DNAAF4: variants seen among roughly 807,000 people sequenced by gnomAD.
DNAAF4 encodes dynein assembly factor 4, axonemal.
In DNAAF4, 43 loss-of-function variants were observed where a neutral mutation model predicts 51.8. That is an observed-to-expected ratio of 0.83 (90% CI 0.65 to 1.07). The LOEUF is 1.07. Among genes scored for constraint, DNAAF4 ranks in the 50% least tolerant of loss-of-function variants. The probability of loss-of-function intolerance (pLI) is 0.00; values close to 1 mark genes in which losing one functional copy is unlikely to be tolerated. For synonymous variants in DNAAF4, 194 were observed against 165.6 expected (o/e 1.17, Z -1.32); for missense variants, 581 against 493.0 (o/e 1.18, Z -1.69).
intron 6 of DNAAF4, among the ~76,000 whole-genome samples, chr15:55,447,983 T>C (rs2057865560): frequency 6.6e-6 from 1 of 152,112 alleles, no homozygotes; most frequent in Non-Finnish European, 1.5e-5. Context: ...ATCCCTGTCT[T>C]GTGCCAGTTT....
chr15:55,427,484 C>A (rs868464380), downstream of DNAAF4, among the ~76,000 whole-genome samples: 19 of 151,920 alleles, frequency 1.3e-4, no homozygotes, highest in African/African-American at 4.4e-4. Context: ...TAAGTTAGTT[C>A]CTGGTTGGGG....
At chr15:55,474,766 G>A (rs1414870119) in intron 4 of DNAAF4, among the ~76,000 whole-genome samples, 2 of 152,086 alleles carry the variant, frequency 1.3e-5, no homozygotes, top group Non-Finnish European at 2.9e-5. Flanking sequence ...ATTACCTGAG[G>A]TTGGGAGTTC....
chr15:55,433,919 T>TATAATATATTATA (rs1555413834), intron 8 of DNAAF4, among the ~76,000 whole-genome samples: 1 of 6,586 alleles, frequency 1.5e-4, no homozygotes, highest in Non-Finnish European at 2.8e-4. Flanking sequence ...TATAATTATA[T>TATAATATATTATA]ATATTATATT....
At chr15:55,491,705 T>C (rs1014474651) in intron 3 of DNAAF4, among the ~76,000 whole-genome samples, 9 of 140,932 alleles carry the variant, frequency 6.4e-5, no homozygotes, top group African/African-American at 2.4e-4. Flanking sequence ...TAATATTATA[T>C]ACTATTATTA....
chr15:55,448,624 C>T lies in DNAAF4; in HGVS notation c.783+1598G>A, dbSNP rs534801509. Among the ~76,000 whole-genome samples the T allele has an allele frequency of 2.7e-5, 4 of 150,674 alleles. 1 individual carries two copies. The East Asian group carries it at 6.0e-4, about 22-fold the overall frequency. ...GTGGCTCACACCTGTAATCCCAGCA[C>T]TTTGGGAGGCCGAGGTGGGTGGATC... On this transcript the variant is annotated intron_variant, in intron 6 of 9. Transcript: ENST00000321149.
intron 5 of DNAAF4, among the ~76,000 whole-genome samples, chr15:55,454,442 A>G (rs1032776531): frequency 2.0e-5 from 3 of 152,000 alleles, no homozygotes; most frequent in African/African-American, 4.8e-5. Flanking sequence ...CAGTGGCACG[A>G]TCTTGGCTCA....
At chr15:55,442,879 A>T in intron 6 of DNAAF4, 1 of 1,612,382 alleles carries the variant, frequency 6.2e-7, no homozygotes, top group South Asian at 1.1e-5. Context: ...AGCATCAATC[A>T]TGGTTGCAAT....
intron 5 of DNAAF4, among the ~76,000 whole-genome samples, chr15:55,461,446 C>G (rs2058093804): frequency 6.6e-6 from 1 of 152,088 alleles, no homozygotes; most frequent in African/African-American, 2.4e-5. Context: ...CTCTCTAAGA[C>G]CACAGTGGAA....
At chr15:55,439,355 C>T in intron 7 of DNAAF4, 117 bp downstream of exon 7, 1 of 788,130 alleles carries the variant, frequency 1.3e-6, no homozygotes, top group Non-Finnish European at 2.0e-6. Flanking sequence ...AGTTATCATC[C>T]CACCTCGGCC....
chr15:55,491,016 A>C, intron 4 of DNAAF4, 107 bp downstream of exon 4: 7 of 1,375,726 alleles, frequency 5.1e-6, no homozygotes, highest in Non-Finnish European at 7.0e-6. Flanking sequence ...AGTCCTCTAA[A>C]CAAAGTATGA....
At chr15:55,482,333 C>G (rs1271784266) in intron 4 of DNAAF4, among the ~76,000 whole-genome samples, 1 of 152,130 alleles carries the variant, frequency 6.6e-6, no homozygotes, top group East Asian at 1.9e-4. Flanking sequence ...AACAGAATTA[C>G]AAATGACCCA....
chr15:55,443,317 GC>G, intron 6 of DNAAF4: 4 of 1,201,472 alleles, frequency 3.3e-6, no homozygotes, highest in Non-Finnish European at 4.8e-6. Flanking sequence ...CTGGCAAAGG[GC>G]CCCCAGCGTG....
chr15:55,427,696 C>T (rs1398764949), downstream of DNAAF4, among the ~76,000 whole-genome samples: 8 of 150,474 alleles, frequency 5.3e-5, no homozygotes, highest in African/African-American at 1.5e-4. Flanking sequence ...AGTGCAATGG[C>T]GCCACCTCAG....
chr15:55,442,775 C>A, intron 6 of DNAAF4: 1 of 1,604,814 alleles, frequency 6.2e-7, no homozygotes. Flanking sequence ...TTTATCCTAA[C>A]AACAGAACAA....
At chr15:55,505,618 G>A (rs957087640) in intron 1 of DNAAF4, among the ~76,000 whole-genome samples, 3 of 152,168 alleles carry the variant, frequency 2.0e-5, no homozygotes, top group African/African-American at 7.2e-5. Flanking sequence ...CCTTTGCAGG[G>A]ACATGGATGA....
intron 4 of DNAAF4, among the ~76,000 whole-genome samples, chr15:55,471,228 C>T (rs1169046758): frequency 6.6e-6 from 1 of 152,144 alleles, no homozygotes; most frequent in East Asian, 1.9e-4. Flanking sequence ...AAGTTCCAGA[C>T]AACTAGTCAT....
chr15:55,498,462 C>G lies in DNAAF4; in HGVS notation c.-133G>C. On this transcript the variant is annotated 5_prime_UTR_variant, in exon 2 of 10. Transcript: ENST00000321149. The stretch of plus-strand genomic sequence containing the variant: ...GGGAGCCCGGCGTTCCCAGCGTGCT[C>G]CGGCGCCAGCACCTCGCGGACTCCA... 6 of 1,381,308 alleles carry G rather than the reference C, an allele frequency of 4.3e-6. No individual in the cohort carries two copies. The highest frequency in any genetic ancestry group is 5.0e-5 in the East Asian group (2 of 39,802). 85.6% of individuals were successfully genotyped at this position (1,381,308 alleles called of 1,614,324 possible).
intron 4 of DNAAF4, among the ~76,000 whole-genome samples, chr15:55,473,691 T>C (rs1286176852): frequency 6.6e-6 from 1 of 152,010 alleles, no homozygotes; most frequent in East Asian, 1.9e-4. Flanking sequence ...TTATACTTCA[T>C]GACGAAATAT....
intron 6 of DNAAF4, among the ~76,000 whole-genome samples, chr15:55,447,372 G>A (rs550467968): frequency 3.9e-5 from 6 of 152,090 alleles, no homozygotes; most frequent in Admixed American, 2.6e-4. Context: ...CCTAGATGGG[G>A]TGGCGGCCAG....
Sources: gnomAD v4.1 joint callset for allele counts (sites outside exome capture counted in the v4.1 genomes callset) on GRCh38, gnomAD v4.1.1 for gene constraint, MANE v1.5 for transcripts, NCBI Gene and HGNC (gene_info 2026-07-23, HGNC 2026-07-21) for gene names.